Variants in ERC1 observed in about 807,000 individuals in gnomAD.
ERC1 encodes the protein ELKS/RAB6-interacting/CAST family member 1.
ERC1 carries 56 observed loss-of-function variants against 132.0 expected under a neutral mutation model. That is an observed-to-expected ratio of 0.42 (90% CI 0.34 to 0.53). The LOEUF (loss-of-function observed/expected upper bound fraction) is 0.53. ERC1 is among the 20% of genes least tolerant of loss of function. ERC1 has a pLI of 0.03. For missense variants in ERC1, 1,202 were observed against 1,349.9 expected, an observed-to-expected ratio of 0.89 and a Z score of 1.72; for synonymous variants, 478 against 476.1, an observed-to-expected ratio of 1.00 and a Z score of -0.05.
intron 17 of ERC1, among the ~76,000 whole-genome samples, chr12:1,419,624 T>G (rs530485481): frequency 6.6e-6 from 1 of 151,940 alleles, no homozygotes; most frequent in Admixed American, 6.6e-5. Context: ...ATTCAAGACA[T>G]AAAACCTTGT....
At chr12:1,320,672 A>G (rs2082053436) in intron 15 of ERC1, among the ~76,000 whole-genome samples, 1 of 152,126 alleles carries the variant, frequency 6.6e-6, no homozygotes, top group Admixed American at 6.6e-5. Context: ...GGGAGTATGT[A>G]TTTGTAATTC....
intron 12 of ERC1, among the ~76,000 whole-genome samples, chr12:1,234,262 A>G (rs560892772): frequency 9.2e-5 from 14 of 152,334 alleles, no homozygotes; most frequent in Admixed American, 8.5e-4. Flanking sequence ...GGTATGTAAT[A>G]TGATACTCTC....
intron 18 of ERC1, among the ~76,000 whole-genome samples, chr12:1,477,332 T>A (rs2093994355): frequency 6.6e-6 from 1 of 152,222 alleles, no homozygotes; most frequent in Admixed American, 6.5e-5. Context: ...TAGTTGCTGT[T>A]ATTATCACCC....
At chr12:1,225,116 CTTAG>C (rs78409377) in intron 12 of ERC1, among the ~76,000 whole-genome samples, 34,262 of 151,640 alleles carry the variant, frequency 0.23, 4,379 homozygotes, top group Middle Eastern at 0.3. Flanking sequence ...CTCTGTATTC[CTTAG>C]TTAGCATTTT....
chr12:1,425,592 T>C (rs1293309147), intron 17 of ERC1, among the ~76,000 whole-genome samples: 1 of 152,216 alleles, frequency 6.6e-6, no homozygotes, highest in African/African-American at 2.4e-5. Context: ...TCATTTCTCC[T>C]CAGTGTGTTT....
rs191872519 is a variant in ERC1, at chr12:1,256,563, G to A, written c.2488-6471G>A. Among the ~76,000 whole-genome samples, 95 of 150,476 alleles carry A rather than the reference G, an allele frequency of 6.3e-4. 2 individuals carry two copies. The highest frequency in any genetic ancestry group is 2.2e-3 in the East Asian group (11 of 5,092). On this transcript the variant is annotated intron_variant, in intron 13 of 18. Transcript: ENST00000360905. ...TTTTTCAGCTGAACTTTGATGATTG[G>A]CCTATCACTGAGTATTCTTGGTGTT... is the stretch of plus-strand genomic sequence containing the variant.
At chr12:1,043,403 A>G (rs186279164) in intron 2 of ERC1, among the ~76,000 whole-genome samples, 4 of 152,288 alleles carry the variant, frequency 2.6e-5, no homozygotes, top group Admixed American at 2.6e-4. Flanking sequence ...ATGGTAGCAG[A>G]TAAATTTTTG....
chr12:1,072,811 G>C (rs61918741), intron 2 of ERC1, among the ~76,000 whole-genome samples: 34,547 of 152,028 alleles, frequency 0.23, 4,344 homozygotes, highest in Middle Eastern at 0.27. Context: ...TCGTGCCTCA[G>C]CTTCCCTAGT....
At chr12:1,356,498 G>A (rs1436467962) in intron 15 of ERC1, among the ~76,000 whole-genome samples, 1 of 152,074 alleles carries the variant, frequency 6.6e-6, no homozygotes, top group Admixed American at 6.6e-5. Flanking sequence ...TCAGTAGGGA[G>A]TAAAGGTTAT....
Position 1,231,884 on chromosome 12 carries a change from C to T in ERC1, c.2352-4885C>T, listed in dbSNP as rs539364069. On this transcript the variant is annotated intron_variant, in intron 12 of 18. Coordinates refer to ENST00000360905, the MANE Select transcript of ERC1 (RefSeq NM_178040.4). ...CCTCCCAAGTAGCTGGGACTACAGG[C>T]GCCCGCCACCACGCCCAGCTAATTT... 9.2e-5 allele frequency among the ~76,000 whole-genome samples: 14 copies of T among 152,176 alleles called. No homozygotes were observed. The South Asian group carries it at 1.9e-3, about 20-fold the overall frequency.
chr12:1,358,691 G>A (rs79341064), intron 15 of ERC1, among the ~76,000 whole-genome samples: 3,219 of 152,214 alleles, frequency 0.021, 96 homozygotes, highest in African/African-American at 0.071. Context: ...CTCCACAGCC[G>A]CTGACCTATT....
intron 13 of ERC1, among the ~76,000 whole-genome samples, chr12:1,239,783 A>G (rs1236931541): frequency 3.3e-5 from 5 of 152,214 alleles, no homozygotes; most frequent in African/African-American, 1.2e-4. Flanking sequence ...TTCCAGGATT[A>G]GAGCAAGAAA....
intron 1 of ERC1, among the ~76,000 whole-genome samples, chr12:1,002,789 A>C (rs996271013): frequency 6.6e-6 from 1 of 152,082 alleles, no homozygotes; most frequent in Non-Finnish European, 1.5e-5. Flanking sequence ...GAATAATTTT[A>C]TGTTGGTTAC....
intron 17 of ERC1, among the ~76,000 whole-genome samples, chr12:1,426,447 G>A (rs1281429847): frequency 6.6e-6 from 1 of 152,138 alleles, no homozygotes; most frequent in Non-Finnish European, 1.5e-5. Context: ...ATGTCAATAG[G>A]AGCAGGGTGT....
At chr12:1,337,838 T>C (rs1303349308) in intron 15 of ERC1, among the ~76,000 whole-genome samples, 3 of 152,228 alleles carry the variant, frequency 2.0e-5, no homozygotes, top group African/African-American at 4.8e-5. Context: ...GCTTGGAATT[T>C]CTTTAAGAAT....
chr12:1,339,582 A>G (rs2083628229), intron 15 of ERC1, among the ~76,000 whole-genome samples: 1 of 147,224 alleles, frequency 6.8e-6, no homozygotes, highest in South Asian at 2.2e-4. Context: ...CAACTGTGAC[A>G]GGGTGCTAGC....
intron 3 of ERC1, among the ~76,000 whole-genome samples, chr12:1,098,965 A>G (rs934031109): frequency 3.9e-5 from 6 of 152,176 alleles, no homozygotes; most frequent in African/African-American, 1.4e-4. Flanking sequence ...AAAACAGGAG[A>G]GTGTGATGTC....
At chr12:1,143,377 TGTG>T (rs1950039693) in intron 8 of ERC1, among the ~76,000 whole-genome samples, 1 of 137,882 alleles carries the variant, frequency 7.3e-6, no homozygotes, top group Non-Finnish European at 1.5e-5. Flanking sequence ...TGTGTGTGTG[TGTG>T]TTCAGACTTC....
In ERC1 at chr12:1,028,001, G is replaced by C; in HGVS notation, c.98G>C (p.Arg33Pro). ...CCACGTTCCCCTCGCTTGGGTCACC[G>C]TCGAACCAACAGTACGGGAGGGAGT... is the stretch of plus-strand genomic sequence containing the variant. The part of the protein sequence containing the change: ...RLPRSPRLGH[R>P]RTNSTGGSSG... The change falls in exon 2 of 19, where the codon CGT (arginine) becomes CCT (proline). Residue 33 changes from arginine (R) to proline (P), a missense_variant. Arg to Pro is a moderately radical substitution (Grantham distance 103). Coordinates refer to ENST00000360905, the MANE Select transcript of ERC1 (RefSeq NM_178040.4). The C allele has an allele frequency of 6.2e-7, 1 of 1,614,160 alleles. No homozygotes were observed. Among genetic ancestry groups the C allele is most frequent in the Non-Finnish European group, 8.5e-7 (1 of 1,180,026 alleles).
Sources: gnomAD v4.1 joint callset for allele counts (sites outside exome capture counted in the v4.1 genomes callset) on GRCh38, gnomAD v4.1.1 for gene constraint, MANE v1.5 for transcripts, NCBI Gene and HGNC (gene_info 2026-07-23, HGNC 2026-07-21) for gene names.